UBASH3A: variants seen among roughly 807,000 people sequenced by gnomAD.
The protein encoded by UBASH3A is ubiquitin-associated and SH3 domain-containing protein A.
In UBASH3A, 63 loss-of-function variants were observed where a neutral mutation model predicts 73.5. That is an observed-to-expected ratio of 0.86 (90% CI 0.70 to 1.06). The LOEUF (loss-of-function observed/expected upper bound fraction) is 1.06. Among genes scored for constraint, UBASH3A ranks in the 50% least tolerant of loss-of-function variants. The pLI is 0.00. For missense variants in UBASH3A, 860 were observed against 859.0 expected, an observed-to-expected ratio of 1.00 and a Z score of -0.02; for synonymous variants, 363 against 351.1, an observed-to-expected ratio of 1.03 and a Z score of -0.38.
chr21:42,411,510 CAT>C (rs1245321857), intron 3 of UBASH3A, among the ~76,000 whole-genome samples: 2 of 151,896 alleles, frequency 1.3e-5, no homozygotes, highest in South Asian at 4.2e-4. Context: ...CACAGACACA[CAT>C]ATAGACATAC....
chr21:42,406,132 C>A (rs1042855668), intron 1 of UBASH3A, among the ~76,000 whole-genome samples, 176 bp from the exon 2 acceptor site: 1 of 152,058 alleles, frequency 6.6e-6, no homozygotes, highest in African/African-American at 2.4e-5. Flanking sequence ...TTGTCCAAAA[C>A]CACGATGGCA....
At chr21:42,430,730 T>G (rs2053513315) in intron 8 of UBASH3A, among the ~76,000 whole-genome samples, 1 of 152,196 alleles carries the variant, frequency 6.6e-6, no homozygotes, top group African/African-American at 2.4e-5. Flanking sequence ...CAGGGAGACC[T>G]GCAGCTCCCT....
intron 10 of UBASH3A, chr21:42,435,394 G>A (rs1419965530): frequency 6.5e-6 from 1 of 153,060 alleles, no homozygotes; most frequent in African/African-American, 2.4e-5. Context: ...AGAGACCATT[G>A]AGTTCATCGA....
At chr21:42,410,961 C>A (rs2053080794) in intron 3 of UBASH3A, among the ~76,000 whole-genome samples, 1 of 150,558 alleles carries the variant, frequency 6.6e-6, no homozygotes, top group African/African-American at 2.5e-5. Context: ...ACACGGCACA[C>A]ACAGATACAC....
chr21:42,413,047 C>T lies in UBASH3A; in HGVS notation c.378C>T (p.Cys126=). ...FFTCEDQKVE[C]LYEALKRAGD... Reference sequence around the variant, plus strand: ...AGTGTGAAGACCAGAAGGTGGAATGCCTGTACGAGGCGCTGAAGAGAGCTG... The same window carrying T: ...AGTGTGAAGACCAGAAGGTGGAATGTCTGTACGAGGCGCTGAAGAGAGCTG... The change falls in exon 4 of 15, where the codon TGC becomes TGT. Residue 126 remains cysteine, a synonymous_variant. Coordinates refer to ENST00000319294, the MANE Select transcript of UBASH3A (RefSeq NM_018961.4). This position sits in a 1 kb window ranked among gnomAD's most constrained non-coding sequence, Gnocchi z 4.5. 1 of 1,614,188 alleles carries T rather than the reference C, an allele frequency of 6.2e-7. No homozygotes were observed. Among genetic ancestry groups the T allele is most frequent in the South Asian group, 1.1e-5 (1 of 91,084 alleles).
chr21:42,419,692 G>C (rs1224114356), intron 7 of UBASH3A, among the ~76,000 whole-genome samples: 2 of 152,184 alleles, frequency 1.3e-5, no homozygotes. Context: ...TTTAAGTTCA[G>C]AAGGTTTCCA....
chr21:42,427,030 AC>A (rs1210727330), intron 8 of UBASH3A, among the ~76,000 whole-genome samples: 1 of 151,964 alleles, frequency 6.6e-6, no homozygotes, highest in African/African-American at 2.4e-5. Flanking sequence ...ACAGGGAGCC[AC>A]CCCTTCATGG....
chr21:42,443,834 AC>A (rs1390517330), intron 13 of UBASH3A, among the ~76,000 whole-genome samples: 1 of 152,016 alleles, frequency 6.6e-6, no homozygotes, highest in African/African-American at 2.4e-5. Flanking sequence ...AGGCCCTGGA[AC>A]CCCCCATCCT....
In UBASH3A at chr21:42,409,089, G is replaced by A. The variant is rs555731480; in HGVS notation, c.168-333G>A. On this transcript the variant is annotated intron_variant, in intron 2 of 14. Coordinates refer to ENST00000319294, the MANE Select transcript of UBASH3A (RefSeq NM_018961.4). The stretch of plus-strand genomic sequence containing the variant: ...CCACAAAATTTTCCCACACCATCAA[G>A]GAGATGCTGGGCCCACGGATCATTG... Among the ~76,000 whole-genome samples the A allele has an allele frequency of 1.2e-3, 187 of 152,210 alleles. 1 individual carries two copies. The highest frequency in any genetic ancestry group is 4.3e-3 in the African/African-American group (178 of 41,528).
At chr21:42,404,861 A>G (rs1451703061) in intron 1 of UBASH3A, among the ~76,000 whole-genome samples, 1 of 152,194 alleles carries the variant, frequency 6.6e-6, no homozygotes, top group East Asian at 1.9e-4. Context: ...GGAAGAGCTT[A>G]GCCTTCAGAG....
chr21:42,405,739 C>T (rs938839838), intron 1 of UBASH3A, among the ~76,000 whole-genome samples: 3 of 152,102 alleles, frequency 2.0e-5, no homozygotes, highest in Non-Finnish European at 4.4e-5. Flanking sequence ...CCCGGGTTAC[C>T]GTGATGAATA....
At chr21:42,410,891 GCATA>G (rs1419275665) in intron 3 of UBASH3A, among the ~76,000 whole-genome samples, 1 of 150,388 alleles carries the variant, frequency 6.6e-6, no homozygotes, top group Non-Finnish European at 1.5e-5. Flanking sequence ...ACACATACAT[GCATA>G]CAGACATACA....
chr21:42,446,011 A>C (rs568655556), intron 14 of UBASH3A, among the ~76,000 whole-genome samples: 30 of 152,256 alleles, frequency 2.0e-4, no homozygotes, highest in Non-Finnish European at 3.4e-4. Flanking sequence ...CGCTTCCCAC[A>C]GTCCCATATA....
chr21:42,439,256 C>T (rs562939053), intron 11 of UBASH3A, among the ~76,000 whole-genome samples: 3 of 152,302 alleles, frequency 2.0e-5, no homozygotes, highest in African/African-American at 4.8e-5. Context: ...GGAGCATCCA[C>T]GATCCACCTT....
intron 1 of UBASH3A, among the ~76,000 whole-genome samples, chr21:42,405,802 G>A (rs1446975688): frequency 2.6e-5 from 4 of 152,146 alleles, no homozygotes; most frequent in African/African-American, 9.7e-5. Context: ...AGAGCCGTGG[G>A]TGCAAGGGGA....
intron 10 of UBASH3A, 73 bp from the exon 11 acceptor site, chr21:42,437,415 A>G: frequency 7.2e-7 from 1 of 1,391,396 alleles, no homozygotes; most frequent in South Asian, 1.2e-5. Context: ...TACCACAGGG[A>G]GCACATGGCT....
chr21:42,442,136 T>C (rs1040432965), intron 11 of UBASH3A, among the ~76,000 whole-genome samples: 1 of 152,156 alleles, frequency 6.6e-6, no homozygotes, highest in African/African-American at 2.4e-5. Context: ...GGTGGAGCTG[T>C]GCTGGGTGAT....
chr21:42,406,779 A>G (rs1010116761), intron 2 of UBASH3A, among the ~76,000 whole-genome samples: 1 of 152,232 alleles, frequency 6.6e-6, no homozygotes, highest in South Asian at 2.1e-4. Context: ...TACTGCTAAT[A>G]TTCAGCCTAT....
intron 3 of UBASH3A, among the ~76,000 whole-genome samples, chr21:42,410,930 CAGAT>C (rs566900447): frequency 2.6e-5 from 4 of 151,548 alleles, no homozygotes; most frequent in Non-Finnish European, 5.9e-5. Context: ...CAGACACACA[CAGAT>C]AGACACAGAG....
Sources: gnomAD v4.1 joint callset for allele counts (sites outside exome capture counted in the v4.1 genomes callset) on GRCh38, gnomAD v4.1.1 for gene constraint, Gnocchi (gnomAD v3.1) non-coding constraint, MANE v1.5 for transcripts, NCBI Gene and HGNC (gene_info 2026-07-23, HGNC 2026-07-21) for gene names.